Variants in SLC26A7 observed in about 807,000 individuals in gnomAD.
SLC26A7 encodes anion exchange transporter.
SLC26A7 carries 59 observed loss-of-function variants against 82.5 expected under a neutral mutation model. That is an observed-to-expected ratio of 0.72 (90% CI 0.58 to 0.89). The LOEUF is 0.89. SLC26A7 is among the 40% of genes least tolerant of loss of function. SLC26A7 has a pLI of 0.00. For synonymous variants in SLC26A7, 271 were observed against 274.3 expected, an observed-to-expected ratio of 0.99 and a Z score of 0.12; for missense variants, 820 against 793.0, an observed-to-expected ratio of 1.03 and a Z score of -0.41.
chr8:91,336,807 C>T (rs1813257093), intron 6 of SLC26A7, among the ~76,000 whole-genome samples: 1 of 151,896 alleles, frequency 6.6e-6, no homozygotes, highest in Non-Finnish European at 1.5e-5. Context: ...TTAATATTAA[C>T]TGTGTATCAA....
chr8:91,216,809 T>A (rs535043702), intron 1 of SLC26A7, among the ~76,000 whole-genome samples: 25 of 152,264 alleles, frequency 1.6e-4, no homozygotes, highest in Non-Finnish European at 3.4e-4. Flanking sequence ...TCTTTTTATT[T>A]CTGGACTAAT....
chr8:91,395,987 T>C lies in SLC26A7; in HGVS notation c.*890T>C, dbSNP rs1808560853. The C allele has an allele frequency of 6.6e-6, 1 of 152,084 alleles. No homozygotes were observed. The highest frequency in any genetic ancestry group is 2.4e-5 in the African/African-American group (1 of 41,444). 9.4% of individuals were successfully genotyped at this position (152,084 alleles called of 1,614,324 possible). ...GAACTGTAATAATTTTTGACTTCCCTATTTCAGAGATAGTCAATATAATAT... is the reference window on the plus strand; with the variant it reads ...GAACTGTAATAATTTTTGACTTCCCCATTTCAGAGATAGTCAATATAATAT... On this transcript the variant is annotated 3_prime_UTR_variant, in exon 19 of 19. Transcript: ENST00000276609.
chr8:91,330,056 T>C (rs1257568590), intron 5 of SLC26A7, among the ~76,000 whole-genome samples: 1 of 152,074 alleles, frequency 6.6e-6, no homozygotes, highest in African/African-American at 2.4e-5. Flanking sequence ...TGGAATAAAA[T>C]AGAATTATGT....
intron 10 of SLC26A7, 143 bp downstream of exon 10, chr8:91,352,030 G>A: frequency 4.2e-6 from 3 of 711,182 alleles, no homozygotes; most frequent in Non-Finnish European, 4.7e-6. Flanking sequence ...TGGGGGAGGT[G>A]TGGAAAGCTA....
At chr8:91,367,311 A>G (rs972797149) in intron 14 of SLC26A7, among the ~76,000 whole-genome samples, 3 of 152,176 alleles carry the variant, frequency 2.0e-5, no homozygotes. Flanking sequence ...CCCAGTCGAA[A>G]GGATCTTTTC....
At chr8:91,242,453 G>A (rs1406379189) in intron 2 of SLC26A7, among the ~76,000 whole-genome samples, 1 of 152,120 alleles carries the variant, frequency 6.6e-6, no homozygotes, top group African/African-American at 2.4e-5. Context: ...TTTTAGTAAT[G>A]CCATGGAGTA....
At chr8:91,363,443 G>A (rs1381845041) in intron 12 of SLC26A7, 29 bp from the exon 13 acceptor site, 2 of 1,372,184 alleles carry the variant, frequency 1.5e-6, no homozygotes, top group Non-Finnish European at 2.0e-6. Flanking sequence ...GAAATGACTT[G>A]TTTTATTTTC....
intron 10 of SLC26A7, 35 bp downstream of exon 10, chr8:91,351,922 T>C (rs1439090873): frequency 6.9e-7 from 1 of 1,453,852 alleles, no homozygotes; most frequent in Non-Finnish European, 9.6e-7. Flanking sequence ...TACTTTTTAA[T>C]TTAACTTTTC....
intron 4 of SLC26A7, among the ~76,000 whole-genome samples, chr8:91,310,583 T>C (rs1812453085): frequency 6.6e-6 from 1 of 152,044 alleles, no homozygotes. Context: ...CCCAATAAGA[T>C]CTCAAGAGTT....
intron 15 of SLC26A7, among the ~76,000 whole-genome samples, chr8:91,387,952 G>C (rs1206263453): frequency 6.6e-6 from 1 of 152,088 alleles, no homozygotes; most frequent in Non-Finnish European, 1.5e-5. Flanking sequence ...GCATGTTATT[G>C]GATTAATATA....
chr8:91,334,641 G>A (rs1357184725), intron 6 of SLC26A7, among the ~76,000 whole-genome samples, 194 bp downstream of exon 6: 1 of 151,956 alleles, frequency 6.6e-6, no homozygotes, highest in Admixed American at 6.6e-5. Context: ...TAAAAAAGAA[G>A]GCACACATGT....
At chr8:91,218,943 T>C (rs1187317195) in exon 2 of SLC26A7, 1 of 1,551,038 alleles carries the variant, frequency 6.4e-7, no homozygotes, top group Non-Finnish European at 8.7e-7. Flanking sequence ...TATTAATTTG[T>C]TCTTACAAAT....
At chr8:91,223,882 CT>C (rs1242612879) in intron 2 of SLC26A7, among the ~76,000 whole-genome samples, 1 of 151,828 alleles carries the variant, frequency 6.6e-6, no homozygotes, top group Admixed American at 6.6e-5. Context: ...CCTTTTTATT[CT>C]TTTTTTCTCT....
At chr8:91,236,427 C>G (rs186745511) in intron 2 of SLC26A7, among the ~76,000 whole-genome samples, 1 of 152,248 alleles carries the variant, frequency 6.6e-6, no homozygotes, top group East Asian at 1.9e-4. Context: ...TAGGTAAGAA[C>G]AGCAGATACC....
At chr8:91,391,516 A>G (rs1814967832) in intron 16 of SLC26A7, among the ~76,000 whole-genome samples, 1 of 152,202 alleles carries the variant, frequency 6.6e-6, no homozygotes, top group African/African-American at 2.4e-5. Flanking sequence ...TCACGGTTGG[A>G]CTTAGGATTC....
At chr8:91,233,296 G>T (rs966963597) in intron 2 of SLC26A7, among the ~76,000 whole-genome samples, 1 of 152,196 alleles carries the variant, frequency 6.6e-6, no homozygotes, top group Non-Finnish European at 1.5e-5. Context: ...GCAGGGCGCA[G>T]TGGCTCATGC....
intron 15 of SLC26A7, among the ~76,000 whole-genome samples, chr8:91,378,970 T>A (rs1202102425): frequency 6.6e-6 from 1 of 152,138 alleles, no homozygotes. Flanking sequence ...GTTAAAAGTT[T>A]CCTGTAATTC....
At chr8:91,245,362 G>T (rs536634819), upstream of SLC26A7, among the ~76,000 whole-genome samples, 93 of 152,168 alleles carry the variant, frequency 6.1e-4, no homozygotes, top group Non-Finnish European at 1.1e-3. Context: ...TTGGATTCAG[G>T]GATGTGCCTG....
intron 2 of SLC26A7, among the ~76,000 whole-genome samples, chr8:91,264,934 A>T (rs1471015347): frequency 6.6e-6 from 1 of 151,962 alleles, no homozygotes; most frequent in African/African-American, 2.4e-5. Context: ...CTTGAAATAT[A>T]CAATATATTT....
Sources: gnomAD v4.1 joint callset for allele counts (sites outside exome capture counted in the v4.1 genomes callset) on GRCh38, gnomAD v4.1.1 for gene constraint, MANE v1.5 for transcripts, NCBI Gene and HGNC (gene_info 2026-07-23, HGNC 2026-07-21) for gene names.